The following LPGAT1 variants were observed in gnomAD, a reference collection of about 807,000 sequenced individuals.
The protein encoded by LPGAT1 is lysophosphatidylglycerol acyltransferase 1, also known as acyl-CoA:lysophosphatidylglycerol acyltransferase 1.
A neutral mutation model predicts 47.5 loss-of-function variants in LPGAT1; 11 were observed. The observed-to-expected ratio is 0.23, with a 90% confidence interval of 0.15 to 0.38. LPGAT1 has a LOEUF of 0.38. LPGAT1 is among the 10% of genes least tolerant of loss of function. The pLI is 1.00. For missense variants in LPGAT1, 293 were observed against 439.0 expected (o/e 0.67, Z 2.97); for synonymous variants, 138 against 144.2 (o/e 0.96, Z 0.31).
At chr1:211,795,766 AAC>A (rs1218892799) in intron 2 of LPGAT1, among the ~76,000 whole-genome samples, 1 of 152,202 alleles carries the variant, frequency 6.6e-6, no homozygotes, top group African/African-American at 2.4e-5. Flanking sequence ...CGGACATACA[AAC>A]ACACAAACAC....
intron 6 of LPGAT1, among the ~76,000 whole-genome samples, chr1:211,769,396 A>G (rs115706673): frequency 0.024 from 3,579 of 152,296 alleles, 66 homozygotes; most frequent in Non-Finnish European, 0.03. Context: ...GGTAAAGGCT[A>G]TGAAGGAGTA....
In LPGAT1 at chr1:211,772,342, A is replaced by C. The variant is rs187905503; in HGVS notation, c.854+6576T>G. Among the ~76,000 whole-genome samples, 230 of 152,330 alleles carry C rather than the reference A, an allele frequency of 1.5e-3. 4 individuals are homozygous for C. Among genetic ancestry groups the C allele is most frequent in the Non-Finnish European group, 1.6e-4 (11 of 68,036 alleles). On this transcript the variant is annotated intron_variant, in intron 6 of 7. Transcript: ENST00000366997. ...AATTACATTAGTGTAACTAAACTTGACATCTAGTAGGAAGAACTCCTTTGT... is the reference window on the plus strand; with the variant it reads ...AATTACATTAGTGTAACTAAACTTGCCATCTAGTAGGAAGAACTCCTTTGT...
rs371230293 is a variant in LPGAT1, at chr1:211,784,990, A to T, written c.454-1488T>A. Among the ~76,000 whole-genome samples, 66 of 151,952 alleles carry T rather than the reference A, an allele frequency of 4.3e-4. No homozygotes were observed. In the South Asian group the frequency reaches 6.4e-3, roughly 15 times the overall value. On this transcript the variant is annotated intron_variant, in intron 4 of 7. Coordinates refer to ENST00000366997, the MANE Select transcript of LPGAT1 (RefSeq NM_014873.3). ...GGCTAATTTTTTTTGTTTTTAGTAGAGATGGGATTTCACCGTGTTAGCCAG... is the reference window on the plus strand; with the variant it reads ...GGCTAATTTTTTTTGTTTTTAGTAGTGATGGGATTTCACCGTGTTAGCCAG...
At chr1:211,824,385 G>A (rs532875135) in intron 2 of LPGAT1, among the ~76,000 whole-genome samples, 1 of 152,216 alleles carries the variant, frequency 6.6e-6, no homozygotes, top group East Asian at 1.9e-4. Context: ...AATAGAGTGA[G>A]ACTGTCTCAC....
intron 2 of LPGAT1, among the ~76,000 whole-genome samples, chr1:211,807,074 T>C (rs576789037): frequency 4.1e-4 from 62 of 152,294 alleles, no homozygotes; most frequent in African/African-American, 1.5e-3. Context: ...TTTAGCAAAG[T>C]TGCAGGATAC....
At chr1:211,801,727 G>A (rs1050943681) in intron 2 of LPGAT1, among the ~76,000 whole-genome samples, 2 of 150,758 alleles carry the variant, frequency 1.3e-5, no homozygotes, top group Non-Finnish European at 3.0e-5. Context: ...GGAAGGGGAG[G>A]GGAGGGGAAG....
intron 5 of LPGAT1, among the ~76,000 whole-genome samples, chr1:211,781,189 T>C (rs536926620): frequency 1.2e-4 from 18 of 152,278 alleles, no homozygotes; most frequent in Admixed American, 8.5e-4. Flanking sequence ...TCTAAACAGG[T>C]AGAATGAAAA....
chr1:211,830,154 G>A lies in LPGAT1; in HGVS notation c.-28+419C>T. The stretch of plus-strand genomic sequence containing the variant: ...TCCGCGGATGTGGAAGGGTCGTGGC[G>A]GCGGGCGCGGCCCGCGCGCCGGGCT... On this transcript the variant is annotated intron_variant, in intron 1 of 7. Coordinates refer to ENST00000366997, the MANE Select transcript of LPGAT1 (RefSeq NM_014873.3). The surrounding 1 kb of genome is among the most constrained non-coding windows in gnomAD (Gnocchi z 5.9). The A allele has an allele frequency of 5.1e-6, 5 of 983,432 alleles. No homozygotes were observed. The highest frequency in any genetic ancestry group is 1.1e-4 in the East Asian group (1 of 8,772). The allele number at this position is 983,432 out of a possible 1,614,324, so 60.9% of individuals were successfully genotyped here. A position where few individuals can be genotyped will look rare whatever the true frequency, so the allele number is the denominator to read the frequency against.
In LPGAT1 at chr1:211,744,143, G is replaced by A. The variant is rs958369342; in HGVS notation, c.*5756C>T. 2 of 150,364 alleles carry A rather than the reference G, an allele frequency of 1.3e-5. No homozygotes were observed. The highest frequency in any genetic ancestry group is 2.4e-5 in the African/African-American group (1 of 41,352). The allele number at this position is 150,364 out of a possible 1,614,324, so 9.3% of individuals were successfully genotyped here. A position where few individuals can be genotyped will look rare whatever the true frequency, so the allele number is the denominator to read the frequency against. ...TTCCTACCCTTTAAAGCCCTGGCCA[G>A]GGTCAGTGATAGGAATTTCCTGAGT... On this transcript the variant is annotated 3_prime_UTR_variant, in exon 8 of 8. Transcript: ENST00000366997.
At chr1:211,814,875 T>C (rs1660114982) in intron 2 of LPGAT1, among the ~76,000 whole-genome samples, 1 of 152,198 alleles carries the variant, frequency 6.6e-6, no homozygotes, top group South Asian at 2.1e-4. Flanking sequence ...TCTTGCTAAA[T>C]ACAATAAAAG....
chr1:211,752,127 G>A (rs892807783), intron 6 of LPGAT1, among the ~76,000 whole-genome samples: 3 of 152,120 alleles, frequency 2.0e-5, no homozygotes, highest in Non-Finnish European at 4.4e-5. Flanking sequence ...GGAGTAAATC[G>A]TGGCTACTTT....
chr1:211,752,521 TA>T (rs1310618888), intron 6 of LPGAT1, among the ~76,000 whole-genome samples: 1 of 147,694 alleles, frequency 6.8e-6, no homozygotes, highest in Non-Finnish European at 1.5e-5. Flanking sequence ...CCTGCCCTTC[TA>T]ATCTCTGACC....
At chr1:211,786,146 A>G (rs887886145) in intron 4 of LPGAT1, among the ~76,000 whole-genome samples, 2 of 152,128 alleles carry the variant, frequency 1.3e-5, no homozygotes, top group Admixed American at 6.6e-5. Context: ...CCCCATTGCC[A>G]CTTCTTGTGG....
intron 2 of LPGAT1, among the ~76,000 whole-genome samples, chr1:211,796,485 G>A (rs1316053509): frequency 6.6e-6 from 1 of 152,198 alleles, no homozygotes; most frequent in Admixed American, 6.5e-5. Flanking sequence ...GCTGGAAGAG[G>A]CAAGGGAAGA....
In LPGAT1 at chr1:211,764,150, C is replaced by T. The variant is rs137865504; in HGVS notation, c.855-13083G>A. The stretch of plus-strand genomic sequence containing the variant: ...TCATGCCACTGCACTGCAGCCTAGG[C>T]GACTAGAGAGAGACTCCATCTCAAA... On this transcript the variant is annotated intron_variant, in intron 6 of 7. Coordinates refer to ENST00000366997, the MANE Select transcript of LPGAT1 (RefSeq NM_014873.3). 2.5e-3 allele frequency among the ~76,000 whole-genome samples: 374 copies of T among 148,632 alleles called. 3 individuals are homozygous for T. Among genetic ancestry groups the T allele is most frequent in the African/African-American group, 8.5e-3 (345 of 40,378 alleles).
At position 211,783,790 on chromosome 1, in the gene LPGAT1, T is replaced by C. The variant is rs551769825; in HGVS notation, c.454-288A>G. ...CAGTCACTACTTACTGAGTGCCTGC[T>C]ATGTGCCACGCATTGTCCTAGGCAC... On this transcript the variant is annotated intron_variant, in intron 4 of 7. Coordinates refer to ENST00000366997, the MANE Select transcript of LPGAT1 (RefSeq NM_014873.3). Among the ~76,000 whole-genome samples the C allele has an allele frequency of 3.3e-5, 5 of 152,328 alleles. No individual in the cohort carries two copies. The South Asian group carries it at 1.0e-3, about 32-fold the overall frequency.
chr1:211,809,827 G>T (rs952734122), intron 2 of LPGAT1, among the ~76,000 whole-genome samples: 4 of 152,096 alleles, frequency 2.6e-5, no homozygotes, highest in African/African-American at 9.7e-5. Flanking sequence ...TTTTGGGTAT[G>T]TCTTTATTAG....
intron 2 of LPGAT1, among the ~76,000 whole-genome samples, chr1:211,795,087 C>T (rs979385822): frequency 3.5e-4 from 53 of 152,128 alleles, no homozygotes; most frequent in African/African-American, 1.2e-3. Flanking sequence ...TTCAGTTTTA[C>T]AAGATGGAAA....
chr1:211,761,033 G>T (rs988599053), intron 6 of LPGAT1, among the ~76,000 whole-genome samples: 3 of 151,998 alleles, frequency 2.0e-5, no homozygotes, highest in African/African-American at 7.3e-5. Context: ...CCTATGTAGC[G>T]CTTTTTTAAC....
Sources: gnomAD v4.1 joint callset for allele counts (sites outside exome capture counted in the v4.1 genomes callset) on GRCh38, gnomAD v4.1.1 for gene constraint, Gnocchi (gnomAD v3.1) non-coding constraint, MANE v1.5 for transcripts, NCBI Gene and HGNC (gene_info 2026-07-23, HGNC 2026-07-21) for gene names.